DCHS2: variants seen among roughly 807,000 people sequenced by gnomAD.
DCHS2 encodes dachsous cadherin-related 2.
A neutral mutation model predicts 182.4 loss-of-function variants in DCHS2; 142 were observed. The observed-to-expected ratio is 0.78, with a 90% CI of 0.68 to 0.89. The LOEUF is 0.89. DCHS2 is among the 40% of genes least tolerant of loss of function. The pLI is 0.00. For missense variants in DCHS2, 4,319 were observed against 4,198.6 expected, an observed-to-expected ratio of 1.03 and a Z score of -0.79; for synonymous variants, 1,740 against 1,663.3, an observed-to-expected ratio of 1.05 and a Z score of -1.12.
In DCHS2 at chr4:154,491,112, G is replaced by C; in HGVS notation, c.244C>G (p.Leu82Val). The change falls in exon 1 of 20, where the codon CTG becomes GTG. Residue 82 changes from leucine to valine, a missense_variant. Coordinates refer to ENST00000357232, the MANE Select transcript of DCHS2 (RefSeq NM_001358235.2). ...AGCCCGGCGCGGATGTCACCTACCA[G>C]CGTGTCCGGGGGAAGCCCCTCATCT... ...SVDEGLPPDT[L>V]VGDIRAGLPA... 1 of 1,551,484 alleles carries C rather than the reference G, an allele frequency of 6.4e-7. No homozygotes were observed. Among genetic ancestry groups the C allele is most frequent in the South Asian group, 1.2e-5 (1 of 84,036 alleles).
intron 1 of DCHS2, among the ~76,000 whole-genome samples, chr4:154,456,696 T>C (rs1375363255): frequency 1.3e-5 from 2 of 152,120 alleles, no homozygotes; most frequent in Non-Finnish European, 2.9e-5. Context: ...GTAGACAACT[T>C]AAAATAACAA....
At chr4:154,387,094 G>T (rs142494178) in intron 1 of DCHS2, among the ~76,000 whole-genome samples, 1 of 152,312 alleles carries the variant, frequency 6.6e-6, no homozygotes, top group East Asian at 1.9e-4. Flanking sequence ...ACAGCTATTA[G>T]ATGAATAGGC....
At position 154,491,641 on chromosome 4, in the gene DCHS2, C is replaced by T; in HGVS notation, c.-286G>A. 1 of 1,294,872 alleles carries T rather than the reference C, an allele frequency of 7.7e-7. No individual in the cohort carries two copies. Among genetic ancestry groups the T allele is most frequent in the Non-Finnish European group, 9.8e-7 (1 of 1,025,638 alleles). The allele number at this position is 1,294,872 out of a possible 1,614,324, so 80.2% of individuals were successfully genotyped here. ...ACGAATCTCATCTCTTTTTCTCTCT[C>T]CTTTTATTCCCTTTACATCTGTTCC... is the stretch of plus-strand genomic sequence containing the variant. On this transcript the variant is annotated 5_prime_UTR_variant, in exon 1 of 20. Coordinates refer to ENST00000357232, the MANE Select transcript of DCHS2 (RefSeq NM_001358235.2).
rs1318662759 is a variant in DCHS2, at chr4:154,234,512, C to A, written c.*24G>T. The A allele has an allele frequency of 1.9e-6, 3 of 1,574,904 alleles. No homozygotes were observed. The highest frequency in any genetic ancestry group is 2.6e-6 in the Non-Finnish European group (3 of 1,159,256). ...TCATTCATTCATGACCAATGGTGAG[C>A]AGGTACTTGGCATCCCAGTGGTTTC... On this transcript the variant is annotated 3_prime_UTR_variant, in exon 20 of 20. Transcript: ENST00000357232.
At chr4:154,253,268 C>T (rs1418041390) in intron 16 of DCHS2, among the ~76,000 whole-genome samples, 4 of 151,584 alleles carry the variant, frequency 2.6e-5, no homozygotes, top group Non-Finnish European at 5.9e-5. Context: ...TTTCTCAGTT[C>T]CTGCTTCTTC....
chr4:154,444,778 G>A (rs1166310669), intron 1 of DCHS2, among the ~76,000 whole-genome samples: 1 of 152,124 alleles, frequency 6.6e-6, no homozygotes, highest in East Asian at 1.9e-4. Context: ...TGTTGCTGTG[G>A]CCTACAAGGC....
intron 16 of DCHS2, among the ~76,000 whole-genome samples, chr4:154,245,280 G>A (rs1475451185): frequency 6.6e-6 from 1 of 152,174 alleles, no homozygotes; most frequent in East Asian, 1.9e-4. Context: ...TTCCACAACT[G>A]TTGCCCTGAT....
At chr4:154,238,668 CA>C (rs1731653204) in intron 19 of DCHS2, among the ~76,000 whole-genome samples, 1 of 152,102 alleles carries the variant, frequency 6.6e-6, no homozygotes, top group Non-Finnish European at 1.5e-5. Context: ...CAGTGGTTTC[CA>C]GTTGGTAGAG....
At position 154,377,464 on chromosome 4, in the gene DCHS2, T is replaced by A. The variant is rs1415317588; in HGVS notation, c.2053-20A>T. 1.3e-6 allele frequency: 2 copies of A among 1,592,842 alleles called. No individual in the cohort carries two copies. The stretch of plus-strand genomic sequence containing the variant: ...TGTCACCTGTGAGACAGGAGGGTGA[T>A]CAGGAGGAAACAGAAATGCTAGCAT... On this transcript the variant is annotated intron_variant, in intron 1 of 19. Transcript: ENST00000357232.
chr4:154,435,095 A>G (rs1037320674), intron 1 of DCHS2, among the ~76,000 whole-genome samples: 2 of 152,194 alleles, frequency 1.3e-5, no homozygotes, highest in African/African-American at 4.8e-5. Flanking sequence ...TGACAAATGC[A>G]CCATGGAAAT....
intron 1 of DCHS2, among the ~76,000 whole-genome samples, chr4:154,487,993 C>T (rs1353846934): frequency 6.6e-6 from 1 of 152,042 alleles, no homozygotes; most frequent in East Asian, 1.9e-4. Context: ...GCCTGGGGAA[C>T]ACAGCTGGAC....
chr4:154,232,169 A>G lies in DCHS2; in HGVS notation c.*2367T>C, dbSNP rs1731229516. The G allele has an allele frequency of 6.6e-6, 1 of 152,174 alleles. No individual in the cohort carries two copies. Among genetic ancestry groups the G allele is most frequent in the African/African-American group, 2.4e-5 (1 of 41,458 alleles). 9.4% of individuals were successfully genotyped at this position (152,174 alleles called of 1,614,324 possible). Reference sequence around the variant, plus strand: ...ATAGATCAGCAAAGTAACCCAGAACATATGAGGCAAGTTAATATTAAACTT... The same window carrying G: ...ATAGATCAGCAAAGTAACCCAGAACGTATGAGGCAAGTTAATATTAAACTT... On this transcript the variant is annotated 3_prime_UTR_variant, in exon 20 of 20. Coordinates refer to ENST00000357232, the MANE Select transcript of DCHS2 (RefSeq NM_001358235.2).
intron 16 of DCHS2, among the ~76,000 whole-genome samples, chr4:154,246,413 T>C (rs975192878): frequency 2.0e-5 from 3 of 151,818 alleles, no homozygotes; most frequent in Admixed American, 6.6e-5. Context: ...AATAGTCGAC[T>C]TCCCCTGTGG....
At chr4:154,454,589 C>T (rs1222963775) in intron 1 of DCHS2, among the ~76,000 whole-genome samples, 1 of 152,154 alleles carries the variant, frequency 6.6e-6, no homozygotes, top group Non-Finnish European at 1.5e-5. Flanking sequence ...ACCCTGGGAA[C>T]TACAACCAGG....
rs1048678789 is a variant in DCHS2 at position 154,239,446 on chromosome 4, T to A, written c.7360-144A>T. The A allele has an allele frequency of 3.1e-6, 4 of 1,279,426 alleles. No individual in the cohort carries two copies. In the Middle Eastern group the frequency reaches 5.8e-4, roughly 185 times the overall value. The allele number at this position is 1,279,426 out of a possible 1,614,324, so 79.3% of individuals were successfully genotyped here. ...CCTGACTTTGTTAGACATATTAATT[T>A]ATGGAATTGGCATATTAAAAAGATT... On this transcript the variant is annotated intron_variant, in intron 18 of 19. Transcript: ENST00000357232.
intron 16 of DCHS2, among the ~76,000 whole-genome samples, chr4:154,251,358 G>A (rs1732347178): frequency 6.6e-6 from 1 of 151,918 alleles, no homozygotes; most frequent in East Asian, 1.9e-4. Context: ...CGGATTCTTG[G>A]CCAAACCACT....
At chr4:154,386,257 C>T (rs887982639) in intron 1 of DCHS2, among the ~76,000 whole-genome samples, 1 of 152,158 alleles carries the variant, frequency 6.6e-6, no homozygotes, top group Non-Finnish European at 1.5e-5. Flanking sequence ...CCTCATCCTC[C>T]ACTCCTGTCC....
intron 13 of DCHS2, among the ~76,000 whole-genome samples, chr4:154,292,579 T>C (rs1429443209): frequency 6.6e-6 from 1 of 152,232 alleles, no homozygotes; most frequent in Non-Finnish European, 1.5e-5. Context: ...TACTCCTCTC[T>C]AGACTCTCCA....
Position 154,320,458 on chromosome 4 carries a change from G to T in DCHS2, c.4941C>A (p.Asp1647Glu), listed in dbSNP as rs147296487. Residue 1647 changes from aspartate (D) to glutamate (E), a missense_variant, in exon 9 of 20, where the codon GAC becomes GAA. Asp to Glu is a conservative substitution (Grantham distance 45, BLOSUM62 2). Coordinates refer to ENST00000357232, the MANE Select transcript of DCHS2 (RefSeq NM_001358235.2). The stretch of plus-strand genomic sequence containing the variant: ...ATGTTACTTTTCCATTCCTTCCTTC[G>T]TCTGGATCGTGAGCAGTTATGTGGT... ...LVHHITAHDP[D>E]EGRNGKVTYS... 1.9e-6 allele frequency: 3 copies of T among 1,613,794 alleles called. No individual in the cohort carries two copies. Among genetic ancestry groups the T allele is most frequent in the South Asian group, 2.2e-5 (2 of 91,086 alleles).
Sources: allele counts gnomAD v4.1 joint callset (sites outside exome capture counted in the v4.1 genomes callset), GRCh38; gene constraint gnomAD v4.1.1; transcripts MANE v1.5; gene names NCBI Gene and HGNC (gene_info 2026-07-23, HGNC 2026-07-21).